The following CTBP2 variants were observed in gnomAD, a reference collection of about 807,000 sequenced individuals.
The protein encoded by CTBP2 is C-terminal binding protein 2.
Under a neutral mutation model 80.3 loss-of-function variants are expected in CTBP2, and 30 were observed. The ratio of observed to expected loss-of-function variants is 0.37; its 90% CI spans 0.28 to 0.51. The LOEUF (loss-of-function observed/expected upper bound fraction) is 0.51. CTBP2 is among the 20% of genes least tolerant of loss of function. The pLI is 0.93. For synonymous variants in CTBP2, 594 were observed against 587.4 expected (o/e 1.01, Z -0.16); for missense variants, 1,212 against 1,375.3 (o/e 0.88, Z 1.88).
chr10:125,083,598 C>G (rs181117282), intron 2 of CTBP2, among the ~76,000 whole-genome samples: 27 of 152,276 alleles, frequency 1.8e-4, no homozygotes, highest in African/African-American at 6.0e-4. Flanking sequence ...CTGTTTGCAC[C>G]TTAGTCCGAA....
chr10:125,085,720 G>A (rs1333628143), intron 2 of CTBP2, among the ~76,000 whole-genome samples: 4 of 152,200 alleles, frequency 2.6e-5, no homozygotes, highest in Admixed American at 6.5e-5. Context: ...CGCAGCTGGG[G>A]TGTGGGTAAT....
chr10:125,030,585 G>A (rs1317686100), upstream of CTBP2, among the ~76,000 whole-genome samples: 1 of 152,242 alleles, frequency 6.6e-6, no homozygotes, highest in African/African-American at 2.4e-5. Flanking sequence ...AATCATGCAG[G>A]AAACTGCTTG....
chr10:125,108,242 A>T (rs2135898032), intron 2 of CTBP2, among the ~76,000 whole-genome samples: 1 of 152,336 alleles, frequency 6.6e-6, no homozygotes, highest in Admixed American at 6.5e-5. Context: ...TTTGACGTCA[A>T]GTTACTAAAA....
chr10:125,120,269 C>G (rs1262085071), intron 1 of CTBP2, among the ~76,000 whole-genome samples: 1 of 152,160 alleles, frequency 6.6e-6, no homozygotes, highest in Non-Finnish European at 1.5e-5. Flanking sequence ...GCAGGATGAG[C>G]AGGAAGATGA....
At chr10:124,994,794 C>T in intron 4 of CTBP2, 111 bp from the exon 7 acceptor site, 1 of 1,082,764 alleles carries the variant, frequency 9.2e-7, no homozygotes, top group Non-Finnish European at 1.4e-6. Flanking sequence ...CTGGTAGCTG[C>T]TGCCAGAGAA....
intron 7 of CTBP2, 62 bp downstream of exon 9, chr10:124,993,140 G>A (rs1952934244): frequency 1.3e-6 from 2 of 1,544,370 alleles, no homozygotes; most frequent in Non-Finnish European, 1.8e-6. Context: ...AGCAGGACAG[G>A]AGCCGGCTGC....
chr10:125,104,625 A>G (rs1046256628), intron 2 of CTBP2, among the ~76,000 whole-genome samples: 1 of 152,252 alleles, frequency 6.6e-6, no homozygotes, highest in Non-Finnish European at 1.5e-5. Flanking sequence ...GTGCTCACAC[A>G]CAAATGCCGA....
intron 2 of CTBP2, among the ~76,000 whole-genome samples, 198 bp from the exon 3 acceptor site, chr10:125,039,353 AGAAAGC>A (rs754058037): frequency 1.6e-4 from 25 of 152,258 alleles, no homozygotes; most frequent in Non-Finnish European, 3.4e-4. Flanking sequence ...ATCTCATAAT[AGAAAGC>A]AAGTGAATGC....
chr10:125,026,913 G>C lies in CTBP2; in HGVS notation c.847C>G (p.Pro283Ala), dbSNP rs1262709663. 6.2e-7 allele frequency: 1 copy of C among 1,614,036 alleles called. No individual in the cohort carries two copies. The highest frequency in any genetic ancestry group is 1.1e-5 in the South Asian group (1 of 91,086). ...GGGAGCACGGTCCTCTTGCCACCAG[G>C]ACCCTGGAAGGTGGACAGGTCAGCT... Residue 283 changes from proline to alanine, a missense_variant, in exon 1 of 9, where the codon CCT becomes GCT. This residue lies in a region of CTBP2 where 848 missense variants were observed against 782.3 expected (regional missense o/e 1.08). Transcript: ENST00000309035.
intron 1 of CTBP2, among the ~76,000 whole-genome samples, chr10:125,141,474 C>T (rs1167079848): frequency 6.6e-6 from 1 of 152,172 alleles, no homozygotes; most frequent in African/African-American, 2.4e-5. Context: ...CACAAACCAC[C>T]CTTCTTGACC....
chr10:125,123,569 AG>A (rs1439973180), intron 1 of CTBP2, among the ~76,000 whole-genome samples: 1 of 152,212 alleles, frequency 6.6e-6, no homozygotes, highest in Admixed American at 6.5e-5. Context: ...CTGGGCACTA[AG>A]TAGGGCAATT....
At chr10:125,055,691 A>G (rs1052641427) in intron 2 of CTBP2, among the ~76,000 whole-genome samples, 23 of 152,196 alleles carry the variant, frequency 1.5e-4, no homozygotes, top group African/African-American at 5.6e-4. Flanking sequence ...CAGAGCAGAC[A>G]CAGAACATCT....
At chr10:125,145,379 G>A (rs1338020549) in intron 1 of CTBP2, among the ~76,000 whole-genome samples, 2 of 152,110 alleles carry the variant, frequency 1.3e-5, no homozygotes, top group Non-Finnish European at 2.9e-5. Flanking sequence ...CCAACCTTTT[G>A]AGCACCCCCA....
Position 124,993,289 on chromosome 10 carries a change from A to C in CTBP2, c.2572T>G (p.Cys858Gly), listed in dbSNP as rs1308582127. ...CTGTACCAGGCAGTGTGAGGAGTGC[A>C]GATGAGATTCGGGGCATCTTTCAAC... Residue 858 changes from cysteine to glycine, a missense_variant, in exon 7 of 9, where the codon TGC becomes GGC. Physicochemically the swap from Cys to Gly is radical, Grantham distance 159. Coordinates refer to ENST00000309035, the MANE Select transcript of CTBP2 (RefSeq NM_022802.3). 1 of 1,610,848 alleles carries C rather than the reference A, an allele frequency of 6.2e-7. No homozygotes were observed. Among genetic ancestry groups the C allele is most frequent in the African/African-American group, 1.3e-5 (1 of 74,894 alleles).
chr10:125,092,810 G>C (rs780373960), intron 2 of CTBP2, among the ~76,000 whole-genome samples: 1 of 151,784 alleles, frequency 6.6e-6, no homozygotes, highest in Non-Finnish European at 1.5e-5. Flanking sequence ...TAGGAGCAAC[G>C]ACTTCTACAA....
At chr10:125,040,557 C>A (rs1959392144) in intron 2 of CTBP2, among the ~76,000 whole-genome samples, 1 of 141,856 alleles carries the variant, frequency 7.0e-6, no homozygotes. Flanking sequence ...CCAAGGAATA[C>A]AATTAAATCA....
intron 1 of CTBP2, among the ~76,000 whole-genome samples, chr10:125,006,628 T>TC (rs1955276173): frequency 6.6e-6 from 1 of 152,116 alleles, no homozygotes; most frequent in South Asian, 2.1e-4. Flanking sequence ...TGCAAACAGA[T>TC]CCCCCATCTT....
chr10:125,003,054 G>A lies in CTBP2; in HGVS notation c.1884C>T (p.Thr628=). 1 of 1,614,080 alleles carries A rather than the reference G, an allele frequency of 6.2e-7. No homozygotes were observed. Among genetic ancestry groups the A allele is most frequent in the South Asian group, 1.1e-5 (1 of 91,088 alleles). ...CCTTGAACTTCTCCAGGTCCTCCCT[G>A]GTGAGGGTGATGGTGTGGTACATCA... Residue 628 remains threonine (T), a synonymous_variant, in exon 3 of 9, where the codon ACC becomes ACT. Coordinates refer to ENST00000309035, the MANE Select transcript of CTBP2 (RefSeq NM_022802.3).
intron 1 of CTBP2, among the ~76,000 whole-genome samples, chr10:125,113,135 G>A (rs1246455310): frequency 6.6e-6 from 1 of 152,238 alleles, no homozygotes; most frequent in Admixed American, 6.5e-5. Context: ...TCTTAAGGAA[G>A]TAGATGGGAG....
Sources: gnomAD v4.1 joint callset for allele counts (sites outside exome capture counted in the v4.1 genomes callset) on GRCh38, gnomAD v4.1.1 for gene constraint, gnomAD v4.1.1 regional missense constraint, MANE v1.5 for transcripts, NCBI Gene and HGNC (gene_info 2026-07-23, HGNC 2026-07-21) for gene names.